The following GRIK4 variants were observed in gnomAD, a reference collection of about 807,000 sequenced individuals.
GRIK4 encodes the protein glutamate ionotropic receptor kainate type subunit 4.
A neutral mutation model predicts 104.9 loss-of-function variants in GRIK4; 40 were observed. The observed-to-expected ratio is 0.38, with a 90% CI of 0.30 to 0.50. The LOEUF (loss-of-function observed/expected upper bound fraction) is 0.50, where lower values mean the gene tolerates loss of function less well. Among genes scored for constraint, GRIK4 ranks in the 20% least tolerant of loss-of-function variants. The pLI, the probability that GRIK4 is intolerant of heterozygous loss-of-function variation, is 0.93. For synonymous variants in GRIK4, 485 were observed against 524.9 expected (o/e 0.92, Z 1.04); for missense variants, 1,047 against 1,308.1 (o/e 0.80, Z 3.08).
intron 1 of GRIK4, among the ~76,000 whole-genome samples, chr11:120,648,443 G>A (rs1949571889): frequency 6.6e-6 from 1 of 152,218 alleles, no homozygotes; most frequent in African/African-American, 2.4e-5. Flanking sequence ...AAGAACTAGA[G>A]CCAGGGATCT....
At position 120,601,649 on chromosome 11, in the gene GRIK4, T is replaced by G. The variant is rs61383151; in HGVS notation, c.-158-52036T>G. Among the ~76,000 whole-genome samples the G allele has an allele frequency of 2.3e-3, 306 of 135,504 alleles. 3 individuals carry two copies. In the East Asian group the frequency reaches 0.036, roughly 16 times the overall value. The allele number at this position is 135,504 out of a possible 152,430, so 88.9% of individuals were successfully genotyped here. ...GTTCTGTTGTTGTTGTGTGTGTGGT[T>G]TTTTTTTTTTTTTTTTTAAGTTGGA... On this transcript the variant is annotated intron_variant, in intron 1 of 20. Transcript: ENST00000527524.
chr11:120,851,043 A>T (rs895015381), intron 8 of GRIK4, among the ~76,000 whole-genome samples: 2 of 152,124 alleles, frequency 1.3e-5, no homozygotes, highest in Non-Finnish European at 2.9e-5. Context: ...GCCTCCAGCC[A>T]TAGCTCATGT....
At chr11:120,586,584 G>T (rs968859305) in intron 1 of GRIK4, among the ~76,000 whole-genome samples, 1 of 152,130 alleles carries the variant, frequency 6.6e-6, no homozygotes, top group Non-Finnish European at 1.5e-5. Context: ...GAAGATCAGC[G>T]AGGAGTTCTC....
intron 3 of GRIK4, among the ~76,000 whole-genome samples, chr11:120,745,368 G>A (rs923592992): frequency 1.3e-5 from 2 of 151,896 alleles, no homozygotes; most frequent in Non-Finnish European, 2.9e-5. Context: ...CATTCCATAC[G>A]TACTGCATGA....
At chr11:120,678,440 G>A (rs1191230896) in intron 3 of GRIK4, among the ~76,000 whole-genome samples, 1 of 152,080 alleles carries the variant, frequency 6.6e-6, no homozygotes, top group East Asian at 1.9e-4. Context: ...GAATCATATG[G>A]CAGTGATCTT....
At chr11:120,604,583 A>G (rs1176531970) in intron 1 of GRIK4, among the ~76,000 whole-genome samples, 1 of 152,228 alleles carries the variant, frequency 6.6e-6, no homozygotes, top group East Asian at 1.9e-4. Flanking sequence ...GAAGACAAAT[A>G]CAGACAGGGG....
At chr11:120,606,631 G>C (rs1219997687) in intron 1 of GRIK4, among the ~76,000 whole-genome samples, 1 of 152,206 alleles carries the variant, frequency 6.6e-6, no homozygotes, top group Admixed American at 6.5e-5. Context: ...GGGATTTTAC[G>C]ATGGAAAGCT....
intron 13 of GRIK4, among the ~76,000 whole-genome samples, chr11:120,908,892 G>A (rs566338861): frequency 1.8e-4 from 28 of 152,370 alleles, no homozygotes; most frequent in African/African-American, 6.7e-4. Flanking sequence ...CACTCGAGGT[G>A]CAAAGCATAA....
At chr11:120,918,712 A>G (rs976692304) in intron 13 of GRIK4, among the ~76,000 whole-genome samples, 6 of 152,344 alleles carry the variant, frequency 3.9e-5, no homozygotes, top group Admixed American at 6.5e-5. Context: ...GACCCGGTGT[A>G]TAAGTTAGTT....
chr11:120,634,156 T>C (rs2135187912), intron 1 of GRIK4, among the ~76,000 whole-genome samples: 1 of 152,336 alleles, frequency 6.6e-6, no homozygotes, highest in South Asian at 2.1e-4. Context: ...GTAAAGTGCT[T>C]GGCGTCCTGC....
chr11:120,736,723 A>C (rs1951227725), intron 3 of GRIK4, among the ~76,000 whole-genome samples: 1 of 152,150 alleles, frequency 6.6e-6, no homozygotes, highest in African/African-American at 2.4e-5. Context: ...GTAAGGTTGT[A>C]GATCTGGACT....
chr11:120,680,836 A>C (rs1030109552), intron 3 of GRIK4, among the ~76,000 whole-genome samples: 7 of 152,130 alleles, frequency 4.6e-5, no homozygotes, highest in Non-Finnish European at 8.8e-5. Context: ...GGCCAATACC[A>C]AAGTAGGATT....
chr11:120,605,496 A>T (rs1239670305), intron 1 of GRIK4, among the ~76,000 whole-genome samples: 1 of 152,252 alleles, frequency 6.6e-6, no homozygotes, highest in South Asian at 2.1e-4. Context: ...TGTGACAGCC[A>T]TCAGCAAGTT....
At chr11:120,644,051 GAGAGAGA>G (rs1304216808) in intron 1 of GRIK4, among the ~76,000 whole-genome samples, 5 of 93,452 alleles carry the variant, frequency 5.4e-5, no homozygotes, top group African/African-American at 2.3e-4. Flanking sequence ...GTGTGAGAGA[GAGAGAGA>G]GGAGAGAGAG....
At chr11:120,632,324 A>G (rs1245028961) in intron 1 of GRIK4, among the ~76,000 whole-genome samples, 3 of 152,194 alleles carry the variant, frequency 2.0e-5, no homozygotes, top group Admixed American at 6.5e-5. Flanking sequence ...ATAAATTTCT[A>G]TGGTTTATAA....
intron 3 of GRIK4, among the ~76,000 whole-genome samples, chr11:120,719,801 C>T (rs2135372818): frequency 6.6e-6 from 1 of 152,300 alleles, no homozygotes; most frequent in East Asian, 1.9e-4. Flanking sequence ...TAGCCTTATT[C>T]CAGAAGGATC....
At chr11:120,699,012 T>C (rs1950505257) in intron 3 of GRIK4, among the ~76,000 whole-genome samples, 1 of 152,252 alleles carries the variant, frequency 6.6e-6, no homozygotes, top group African/African-American at 2.4e-5. Flanking sequence ...AAATTCTATC[T>C]GGATTCAGGG....
At chr11:120,568,088 G>T (rs1024564992) in intron 1 of GRIK4, among the ~76,000 whole-genome samples, 5 of 152,180 alleles carry the variant, frequency 3.3e-5, no homozygotes, top group Admixed American at 6.5e-5. Context: ...TGAGGCGGGA[G>T]GATTGCTTGA....
intron 11 of GRIK4, among the ~76,000 whole-genome samples, chr11:120,883,238 A>G (rs1446494837): frequency 3.9e-5 from 6 of 152,178 alleles, no homozygotes; most frequent in Non-Finnish European, 1.5e-5. Context: ...TAAGGAGCTC[A>G]TAGCCAACAG....
Sources: gnomAD v4.1 joint callset for allele counts (sites outside exome capture counted in the v4.1 genomes callset) on GRCh38, gnomAD v4.1.1 for gene constraint, MANE v1.5 for transcripts, NCBI Gene and HGNC (gene_info 2026-07-23, HGNC 2026-07-21) for gene names.